DSCAM: variants seen among roughly 807,000 people sequenced by gnomAD.
DSCAM encodes the protein DS cell adhesion molecule, also known as cell adhesion molecule DSCAM.
DSCAM carries 47 observed loss-of-function variants against 217.7 expected under a neutral mutation model. The observed-to-expected ratio is 0.22, with a 90% CI of 0.17 to 0.28. The LOEUF (loss-of-function observed/expected upper bound fraction) is 0.28. Among genes scored for constraint, DSCAM ranks in the 10% least tolerant of loss-of-function variants. The probability of loss-of-function intolerance (pLI) is 1.00; values close to 1 mark genes in which losing one functional copy is unlikely to be tolerated. For missense variants in DSCAM, 2,080 were observed against 2,618.3 expected (o/e 0.79, Z 4.49); for synonymous variants, 1,056 against 1,015.3 (o/e 1.04, Z -0.76).
chr21:40,143,394 T>C (rs2090315659), intron 17 of DSCAM, among the ~76,000 whole-genome samples: 1 of 152,216 alleles, frequency 6.6e-6, no homozygotes, highest in Non-Finnish European at 1.5e-5. Context: ...ATTGCAATTA[T>C]GAAGATAGAC....
chr21:40,109,043 A>G (rs1400451371), intron 20 of DSCAM, among the ~76,000 whole-genome samples: 1 of 152,182 alleles, frequency 6.6e-6, no homozygotes, highest in East Asian at 1.9e-4. Context: ...AAAGCTAAAA[A>G]CACTCTGGAA....
chr21:40,568,024 G>A (rs112790658), intron 3 of DSCAM, among the ~76,000 whole-genome samples: 15 of 151,978 alleles, frequency 9.9e-5, no homozygotes, highest in African/African-American at 2.4e-4. Context: ...TGCAACCTCC[G>A]CCTCTAGTGT....
intron 18 of DSCAM, among the ~76,000 whole-genome samples, chr21:40,140,192 C>T (rs940757915): frequency 2.6e-5 from 4 of 152,060 alleles, no homozygotes; most frequent in Non-Finnish European, 5.9e-5. Flanking sequence ...AGTGACCATT[C>T]GCAGGCAGGT....
intron 1 of DSCAM, among the ~76,000 whole-genome samples, chr21:40,722,098 G>C (rs920641951): frequency 6.6e-6 from 1 of 151,882 alleles, no homozygotes; most frequent in African/African-American, 2.4e-5. Flanking sequence ...TTTTCATAAA[G>C]ACAAAATAAC....
intron 1 of DSCAM, among the ~76,000 whole-genome samples, chr21:40,844,776 A>G (rs2092130901): frequency 6.6e-6 from 1 of 152,214 alleles, no homozygotes; most frequent in African/African-American, 2.4e-5. Flanking sequence ...TATCAGTATC[A>G]TAAATTCTTC....
intron 11 of DSCAM, chr21:40,212,517 G>T (rs928517707): frequency 1.3e-5 from 2 of 153,856 alleles, no homozygotes; most frequent in African/African-American, 4.8e-5. Flanking sequence ...ACACCCCTGT[G>T]CATATTTCAG....
intron 11 of DSCAM, among the ~76,000 whole-genome samples, chr21:40,212,699 G>C (rs766496705): frequency 6.6e-6 from 1 of 152,060 alleles, no homozygotes; most frequent in Non-Finnish European, 1.5e-5. Context: ...TTGAATTGTG[G>C]TCCTTCAAAA....
intron 3 of DSCAM, among the ~76,000 whole-genome samples, chr21:40,384,300 G>A (rs2075059038): frequency 6.6e-6 from 1 of 152,122 alleles, no homozygotes. Flanking sequence ...AGTTGCTAAA[G>A]CTGTTACTAA....
At chr21:40,195,759 G>A (rs1020989403) in intron 11 of DSCAM, among the ~76,000 whole-genome samples, 3 of 152,172 alleles carry the variant, frequency 2.0e-5, no homozygotes, top group African/African-American at 4.8e-5. Flanking sequence ...GGGTTCCCGG[G>A]TGGGAGGTCA....
At chr21:40,033,236 GT>G (rs2088563188) in intron 32 of DSCAM, among the ~76,000 whole-genome samples, 1 of 152,180 alleles carries the variant, frequency 6.6e-6, no homozygotes, top group Non-Finnish European at 1.5e-5. Flanking sequence ...CAGAAGACGG[GT>G]GATTTCGGCA....
Position 40,187,234 on chromosome 21 carries a change from C to T in DSCAM, c.2676G>A (p.Glu892=), listed in dbSNP as rs1439090526. ...VQEPPDPPEI[E]IKDVKARTIT... is the part of the protein sequence containing the mutation. ...TTGTGCGTGCTTTGACATCTTTGATCTCAATTTCGGGAGGGTCTGGGGGCT... is the reference window on the plus strand; with the variant it reads ...TTGTGCGTGCTTTGACATCTTTGATTTCAATTTCGGGAGGGTCTGGGGGCT... The change falls in exon 14 of 33, where the codon GAG becomes GAA. Residue 892 remains glutamate, a synonymous_variant. Coordinates refer to ENST00000400454, the MANE Select transcript of DSCAM (RefSeq NM_001389.5). 1.2e-6 allele frequency: 2 copies of T among 1,613,938 alleles called. No individual in the cohort carries two copies. Among genetic ancestry groups the T allele is most frequent in the Middle Eastern group, 1.6e-4 (1 of 6,084 alleles).
intron 3 of DSCAM, among the ~76,000 whole-genome samples, chr21:40,657,689 G>A (rs150616633): frequency 3.9e-5 from 6 of 152,112 alleles, no homozygotes; most frequent in East Asian, 1.9e-4. Context: ...GGAGTACCCC[G>A]CAGGAGTACC....
At chr21:40,095,337 C>T (rs1033650971) in intron 20 of DSCAM, among the ~76,000 whole-genome samples, 2 of 152,206 alleles carry the variant, frequency 1.3e-5, no homozygotes, top group African/African-American at 4.8e-5. Flanking sequence ...GGACATGGAG[C>T]CAAGCCATAT....
chr21:40,443,821 G>A (rs997395899), intron 3 of DSCAM, among the ~76,000 whole-genome samples: 1 of 152,134 alleles, frequency 6.6e-6, no homozygotes, highest in African/African-American at 2.4e-5. Flanking sequence ...ATATTTTAAA[G>A]TTTTAATTAT....
At chr21:40,616,948 C>T (rs1269848562) in intron 3 of DSCAM, among the ~76,000 whole-genome samples, 5 of 134,234 alleles carry the variant, frequency 3.7e-5, no homozygotes, top group Non-Finnish European at 7.8e-5. Context: ...ACCCGGGAGG[C>T]GGAGCTTGCA....
chr21:40,349,534 A>G (rs1001131180), intron 5 of DSCAM, among the ~76,000 whole-genome samples: 3 of 152,198 alleles, frequency 2.0e-5, no homozygotes, highest in African/African-American at 7.2e-5. Flanking sequence ...AAAATGGAAT[A>G]ATATTTGTGG....
At chr21:40,311,301 C>G (rs1292866576) in intron 9 of DSCAM, among the ~76,000 whole-genome samples, 1 of 152,162 alleles carries the variant, frequency 6.6e-6, no homozygotes, top group Non-Finnish European at 1.5e-5. Flanking sequence ...GTATAGTACT[C>G]TTGGAGAATC....
At chr21:40,388,662 A>G (rs1310868519) in intron 3 of DSCAM, among the ~76,000 whole-genome samples, 1 of 152,090 alleles carries the variant, frequency 6.6e-6, no homozygotes, top group African/African-American at 2.4e-5. Flanking sequence ...CCACTGATAA[A>G]CCAGCTGTGT....
At chr21:40,239,210 G>A (rs980354988) in intron 11 of DSCAM, among the ~76,000 whole-genome samples, 1 of 152,012 alleles carries the variant, frequency 6.6e-6, no homozygotes, top group Non-Finnish European at 1.5e-5. Context: ...AAGATGAATC[G>A]GGCCCTAGCA....
Sources: gnomAD v4.1 joint callset for allele counts (sites outside exome capture counted in the v4.1 genomes callset) on GRCh38, gnomAD v4.1.1 for gene constraint, MANE v1.5 for transcripts, NCBI Gene and HGNC (gene_info 2026-07-23, HGNC 2026-07-21) for gene names.